RALGAPA2: variants seen among roughly 807,000 people sequenced by gnomAD.
RALGAPA2 encodes the protein ral GTPase-activating protein subunit alpha-2.
In RALGAPA2, 139 loss-of-function variants were observed where a neutral mutation model predicts 230.4. The observed-to-expected ratio is 0.60, with a 90% CI of 0.53 to 0.69. The LOEUF is 0.69. RALGAPA2 is among the 30% of genes least tolerant of loss of function. The pLI is 0.00. For synonymous variants in RALGAPA2, 847 were observed against 837.8 expected, an observed-to-expected ratio of 1.01 and a Z score of -0.19; for missense variants, 2,163 against 2,276.0, an observed-to-expected ratio of 0.95 and a Z score of 1.01.
intron 27 of RALGAPA2, among the ~76,000 whole-genome samples, chr20:20,530,404 A>C (rs1293141511): frequency 2.0e-5 from 3 of 151,772 alleles, no homozygotes; most frequent in Non-Finnish European, 4.4e-5. Context: ...TACAACCACC[A>C]CCCCCACCTC....
intron 30 of RALGAPA2, 96 bp downstream of exon 30, chr20:20,524,310 G>A: frequency 6.8e-7 from 1 of 1,477,264 alleles, no homozygotes; most frequent in Non-Finnish European, 9.3e-7. Context: ...TTTTCAAAAG[G>A]GCAATGACAA....
intron 16 of RALGAPA2, among the ~76,000 whole-genome samples, chr20:20,594,225 C>G (rs2065380124): frequency 6.6e-6 from 1 of 152,136 alleles, no homozygotes; most frequent in Non-Finnish European, 1.5e-5. Flanking sequence ...TTGGGATTTT[C>G]TCATATTTTA....
chr20:20,689,281 T>C (rs532710006), intron 1 of RALGAPA2, among the ~76,000 whole-genome samples: 4 of 152,238 alleles, frequency 2.6e-5, no homozygotes, highest in Non-Finnish European at 5.9e-5. Flanking sequence ...CACATATATA[T>C]TATGCCTGCT....
chr20:20,629,624 T>A (rs756271968), intron 9 of RALGAPA2, 34 bp from the exon 10 acceptor site: 5 of 1,599,942 alleles, frequency 3.1e-6, no homozygotes, highest in Non-Finnish European at 4.3e-6. Context: ...TCAATGATGC[T>A]CACCCCCACT....
Position 20,412,242 on chromosome 20 carries a change from T to C in RALGAPA2, c.5496-94A>G, listed in dbSNP as rs78020419. Reference sequence around the variant, plus strand: ...TTTAATACCGTTGTGCAATTTTTTCTGTGTAAAAAAGTATCCTGCAGGTTC... The same window carrying C: ...TTTAATACCGTTGTGCAATTTTTTCCGTGTAAAAAAGTATCCTGCAGGTTC... On this transcript the variant is annotated intron_variant, in intron 37 of 39. Transcript: ENST00000202677. 2.5e-3 allele frequency: 3,735 copies of C among 1,520,572 alleles called. 81 individuals carry two copies. In the African/African-American group the frequency reaches 0.045, roughly 18 times the overall value. 94.2% of individuals were successfully genotyped at this position (1,520,572 alleles called of 1,614,324 possible).
intron 1 of RALGAPA2, among the ~76,000 whole-genome samples, chr20:20,709,122 C>G (rs1012048179): frequency 1.3e-5 from 2 of 151,710 alleles, no homozygotes; most frequent in African/African-American, 4.8e-5. Context: ...AGTTCAAGAC[C>G]AGCCTGGCCA....
chr20:20,470,595 C>T (rs1358437610), intron 37 of RALGAPA2, among the ~76,000 whole-genome samples: 3 of 152,040 alleles, frequency 2.0e-5, no homozygotes, highest in South Asian at 4.2e-4. Context: ...CACCTAGAAC[C>T]GGGGCTGGCT....
At chr20:20,538,751 AATG>A (rs2063562922) in intron 24 of RALGAPA2, among the ~76,000 whole-genome samples, 1 of 152,112 alleles carries the variant, frequency 6.6e-6, no homozygotes, top group Admixed American at 6.5e-5. Context: ...AGAGGAACTG[AATG>A]CATGCGTCTT....
At chr20:20,447,274 T>C (rs1416550141) in intron 37 of RALGAPA2, among the ~76,000 whole-genome samples, 1 of 152,182 alleles carries the variant, frequency 6.6e-6, no homozygotes, top group Non-Finnish European at 1.5e-5. Context: ...CATTTGTTAA[T>C]TGATTTTTAA....
At chr20:20,648,305 G>T (rs1219845692) in intron 4 of RALGAPA2, among the ~76,000 whole-genome samples, 1 of 152,086 alleles carries the variant, frequency 6.6e-6, no homozygotes, top group East Asian at 1.9e-4. Flanking sequence ...GTCTACAAGG[G>T]CCAGAAAAGC....
chr20:20,557,331 A>G (rs759093570), intron 23 of RALGAPA2, among the ~76,000 whole-genome samples: 5 of 152,112 alleles, frequency 3.3e-5, no homozygotes, highest in Admixed American at 6.5e-5. Flanking sequence ...GGTAAGTAAA[A>G]TGCACGTACT....
At chr20:20,688,377 A>C (rs1408049940) in intron 1 of RALGAPA2, among the ~76,000 whole-genome samples, 1 of 152,198 alleles carries the variant, frequency 6.6e-6, no homozygotes, top group Non-Finnish European at 1.5e-5. Flanking sequence ...GGATGAAAAT[A>C]CTAATTTACA....
At chr20:20,706,585 A>G (rs2069616174) in intron 1 of RALGAPA2, among the ~76,000 whole-genome samples, 1 of 152,222 alleles carries the variant, frequency 6.6e-6, no homozygotes, top group African/African-American at 2.4e-5. Flanking sequence ...TCGTCTGCCC[A>G]TGCTCAAATC....
At chr20:20,498,205 A>G (rs957634079) in intron 35 of RALGAPA2, among the ~76,000 whole-genome samples, 1 of 152,182 alleles carries the variant, frequency 6.6e-6, no homozygotes, top group African/African-American at 2.4e-5. Flanking sequence ...ACACAAGTCA[A>G]GTTGATCTGG....
chr20:20,511,675 C>T (rs2062708435), intron 32 of RALGAPA2, among the ~76,000 whole-genome samples: 1 of 152,194 alleles, frequency 6.6e-6, no homozygotes. Flanking sequence ...CAGGGTCCAG[C>T]TCAAATCCTC....
At chr20:20,605,081 T>C in intron 15 of RALGAPA2, 94 bp downstream of exon 15, 1 of 1,015,144 alleles carries the variant, frequency 9.9e-7, no homozygotes, top group South Asian at 1.5e-5. Context: ...GTTCAGTTCA[T>C]TATAAAATTT....
At chr20:20,546,565 C>A in intron 24 of RALGAPA2, 139 bp downstream of exon 24, 1 of 1,146,534 alleles carries the variant, frequency 8.7e-7, no homozygotes, top group Non-Finnish European at 1.1e-6. Context: ...CACACATCAG[C>A]TGCCAGGGTA....
intron 37 of RALGAPA2, among the ~76,000 whole-genome samples, chr20:20,459,768 T>C (rs1401316944): frequency 6.6e-6 from 1 of 152,218 alleles, no homozygotes; most frequent in Non-Finnish European, 1.5e-5. Context: ...AAGTTATAGA[T>C]GACACACACG....
intron 25 of RALGAPA2, among the ~76,000 whole-genome samples, 161 bp from the exon 26 acceptor site, chr20:20,535,964 T>G (rs1341347851): frequency 1.3e-5 from 2 of 152,144 alleles, no homozygotes; most frequent in East Asian, 3.9e-4. Flanking sequence ...AACACTGGGC[T>G]CGGGGGAGCG....
Sources: gnomAD v4.1 joint callset for allele counts (sites outside exome capture counted in the v4.1 genomes callset) on GRCh38, gnomAD v4.1.1 for gene constraint, MANE v1.5 for transcripts, NCBI Gene and HGNC (gene_info 2026-07-23, HGNC 2026-07-21) for gene names.